TBC1D2: variants seen among roughly 807,000 people sequenced by gnomAD.
TBC1D2 encodes the protein TBC1 domain family member 2.
TBC1D2 carries 58 observed loss-of-function variants against 91.1 expected under a neutral mutation model. The observed-to-expected ratio is 0.64, with a 90% CI of 0.52 to 0.79. TBC1D2 has a LOEUF of 0.79. Among genes scored for constraint, TBC1D2 ranks in the 30% least tolerant of loss-of-function variants. The pLI is 0.00. For synonymous variants in TBC1D2, 482 were observed against 511.5 expected, an observed-to-expected ratio of 0.94 and a Z score of 0.78; for missense variants, 1,080 against 1,208.3, an observed-to-expected ratio of 0.89 and a Z score of 1.57.
In TBC1D2 at chr9:98,221,288, G is replaced by T. The variant is rs1042358607; in HGVS notation, c.979-60C>A. 6 of 1,468,426 alleles carry T rather than the reference G, an allele frequency of 4.1e-6. No individual in the cohort carries two copies. The African/African-American group carries it at 4.3e-5, about 10-fold the overall frequency. 91.0% of individuals were successfully genotyped at this position (1,468,426 alleles called of 1,614,324 possible). ...GGGAGGGCCTGCTGGGCGCCACAGT[G>T]GGGTATATGTTATCAGTAGTTCTCC... On this transcript the variant is annotated intron_variant, in intron 5 of 12. Transcript: ENST00000465784.
intron 4 of TBC1D2, 166 bp from the exon 5 acceptor site, chr9:98,229,314 C>T: frequency 1.6e-6 from 1 of 636,950 alleles, no homozygotes; most frequent in East Asian, 2.8e-5. Flanking sequence ...AGAATATGCA[C>T]TTCTAAAAAG....
chr9:98,224,554 G>A (rs1485339274), intron 5 of TBC1D2, among the ~76,000 whole-genome samples: 8 of 152,082 alleles, frequency 5.3e-5, no homozygotes, highest in African/African-American at 1.2e-4. Context: ...AAGTGTTGGG[G>A]TTATAGGTGT....
At position 98,217,639 on chromosome 9, in the gene TBC1D2, G is replaced by A. The variant is rs550033273; in HGVS notation, c.1374+3194C>T. Among the ~76,000 whole-genome samples, 19 of 152,362 alleles carry A rather than the reference G, an allele frequency of 1.2e-4. No individual in the cohort carries two copies. In the South Asian group the frequency reaches 3.1e-3, roughly 25 times the overall value. ...CAACATTCTCTGTCCTCAAACTCAA[G>A]ACAATGGATATTTGATGGGTATTCT... is the stretch of plus-strand genomic sequence containing the variant. On this transcript the variant is annotated intron_variant, in intron 6 of 12. Coordinates refer to ENST00000465784, the MANE Select transcript of TBC1D2 (RefSeq NM_001267571.2).
intron 11 of TBC1D2, 32 bp downstream of exon 11, chr9:98,201,447 G>A (rs754186532): frequency 6.2e-7 from 1 of 1,602,056 alleles, no homozygotes; most frequent in Admixed American, 1.7e-5. Flanking sequence ...CTTGCTCAGG[G>A]GCCCCCTGCC....
At chr9:98,229,294 G>A in intron 4 of TBC1D2, 146 bp from the exon 5 acceptor site, 1 of 704,774 alleles carries the variant, frequency 1.4e-6, no homozygotes, top group Non-Finnish European at 2.3e-6. Flanking sequence ...TAGGTCTGGG[G>A]CAGGGCTTGA....
At chr9:98,221,780 G>A (rs1829108474) in intron 5 of TBC1D2, among the ~76,000 whole-genome samples, 1 of 152,162 alleles carries the variant, frequency 6.6e-6, no homozygotes, top group Non-Finnish European at 1.5e-5. Context: ...CCAGCCTGGA[G>A]TGCAGTGGCA....
At chr9:98,206,675 C>T (rs1032866625) in intron 9 of TBC1D2, among the ~76,000 whole-genome samples, 15 of 150,300 alleles carry the variant, frequency 1.0e-4, no homozygotes, top group Non-Finnish European at 1.5e-4. Flanking sequence ...GGGCTGGGGG[C>T]GGGGGGCCAG....
Position 98,203,402 on chromosome 9 carries a change from C to G in TBC1D2, c.2157G>C (p.Ala719=). ...IGYCQGLNRL[A]AIALLVLEEE... ...CCTCTAGGACCAGCAGGGCAATGGC[C>G]GCCAGCCTGGAGTAGTAGGGAAGGC... Residue 719 remains alanine, a synonymous_variant, in exon 10 of 13, where the codon GCG becomes GCC. Coordinates refer to ENST00000465784, the MANE Select transcript of TBC1D2 (RefSeq NM_001267571.2). The G allele has an allele frequency of 6.2e-7, 1 of 1,614,110 alleles. No individual in the cohort carries two copies. Among genetic ancestry groups the G allele is most frequent in the Non-Finnish European group, 8.5e-7 (1 of 1,180,038 alleles).
intron 6 of TBC1D2, chr9:98,213,530 C>G: frequency 1.6e-6 from 1 of 616,076 alleles, no homozygotes; most frequent in Non-Finnish European, 2.3e-6. Flanking sequence ...GGGCAAATAC[C>G]AACTAACCTA....
At chr9:98,218,447 G>T (rs1287743585) in intron 6 of TBC1D2, among the ~76,000 whole-genome samples, 1 of 151,982 alleles carries the variant, frequency 6.6e-6, no homozygotes, top group Admixed American at 6.6e-5. Context: ...GGCACCTGTA[G>T]TCCCAGCTAC....
intron 4 of TBC1D2, 67 bp downstream of exon 4, chr9:98,233,349 G>C: frequency 6.5e-7 from 1 of 1,542,206 alleles, no homozygotes; most frequent in South Asian, 1.2e-5. Context: ...TGGAAGGAAA[G>C]AAGGCACTTG....
intron 3 of TBC1D2, among the ~76,000 whole-genome samples, chr9:98,236,091 A>G (rs1008984988): frequency 3.3e-5 from 5 of 152,042 alleles, no homozygotes; most frequent in Non-Finnish European, 7.4e-5. Flanking sequence ...CACATACAAA[A>G]CATACACATA....
In TBC1D2 at chr9:98,228,980, A is replaced by G; in HGVS notation, c.950T>C (p.Met317Thr). 6.2e-7 allele frequency: 1 copy of G among 1,614,016 alleles called. No individual in the cohort carries two copies. Among genetic ancestry groups the G allele is most frequent in the East Asian group, 2.2e-5 (1 of 44,884 alleles). Residue 317 changes from methionine (M) to threonine (T), a missense_variant, in exon 5 of 13, where the codon ATG becomes ACG. Met to Thr is a moderately conservative substitution (Grantham distance 81). Transcript: ENST00000465784. This position sits in a 1 kb window ranked among gnomAD's most constrained non-coding sequence, Gnocchi z 4.0. ...CTGAGACTTTAACTCCTTGGTGAGC[A>G]TCAGAACCTGTTGCTCCAAGGCTGC... ...KVAALEQQVLMLTKELKSQKE... is the reference protein window; with the variant it reads ...KVAALEQQVLTLTKELKSQKE...
intron 4 of TBC1D2, among the ~76,000 whole-genome samples, chr9:98,233,199 G>A (rs906941661): frequency 1.3e-5 from 2 of 152,196 alleles, no homozygotes; most frequent in Non-Finnish European, 2.9e-5. Context: ...TGAATCTGCC[G>A]GCACCTTGAT....
Position 98,243,984 on chromosome 9 carries a change from T to C in TBC1D2, c.647+10A>G, listed in dbSNP as rs74882624. 1.5e-4 allele frequency: 240 copies of C among 1,597,302 alleles called. 1 individual carries two copies. In the East Asian group the frequency reaches 5.3e-3, roughly 36 times the overall value. Reference sequence around the variant, plus strand: ...AGCTTGGCTAGCCCCTCAGCTCCACTGGCACTTACTGTATTTCAGTCCCCA... The same window carrying C: ...AGCTTGGCTAGCCCCTCAGCTCCACCGGCACTTACTGTATTTCAGTCCCCA... On this transcript the variant is annotated intron_variant, in intron 3 of 12. Transcript: ENST00000465784.
chr9:98,224,564 T>C (rs1260394322), intron 5 of TBC1D2, among the ~76,000 whole-genome samples: 1 of 152,160 alleles, frequency 6.6e-6, no homozygotes, highest in Non-Finnish European at 1.5e-5. Context: ...GTTATAGGTG[T>C]GAGCCACCAT....
At chr9:98,248,847 T>G (rs16914199) in intron 2 of TBC1D2, among the ~76,000 whole-genome samples, 16,631 of 152,242 alleles carry the variant, frequency 0.11, 1,072 homozygotes, top group African/African-American at 0.17. Context: ...GTGGGTTCCC[T>G]TTGATCTTTC....
In TBC1D2 at chr9:98,255,180, G is replaced by T; in HGVS notation, c.362C>A (p.Thr121Asn). The T allele has an allele frequency of 6.2e-7, 1 of 1,607,130 alleles. No individual in the cohort carries two copies. Among genetic ancestry groups the T allele is most frequent in the Non-Finnish European group, 8.5e-7 (1 of 1,174,744 alleles). The change falls in exon 1 of 13, where the codon ACC becomes AAC. Residue 121 changes from threonine to asparagine, a missense_variant. Coordinates refer to ENST00000465784, the MANE Select transcript of TBC1D2 (RefSeq NM_001267571.2). ...GTCGTTGCAGGAATTTACCTTCAGG[G>T]TAATAACCCGGCTGGGAGTCTTGAT... ...FEIKTPSRVI[T>N]LKAATKQAML...
chr9:98,226,499 T>A (rs1217756242), intron 5 of TBC1D2, among the ~76,000 whole-genome samples: 1 of 152,138 alleles, frequency 6.6e-6, no homozygotes, highest in East Asian at 1.9e-4. Context: ...TGCAACTCCA[T>A]TTACAGAAGA....
Sources: gnomAD v4.1 joint callset for allele counts (sites outside exome capture counted in the v4.1 genomes callset) on GRCh38, gnomAD v4.1.1 for gene constraint, Gnocchi (gnomAD v3.1) non-coding constraint, MANE v1.5 for transcripts, NCBI Gene and HGNC (gene_info 2026-07-23, HGNC 2026-07-21) for gene names.